SFXN4: variants seen among roughly 807,000 people sequenced by gnomAD.
SFXN4 encodes sideroflexin-4.
In SFXN4, 48 loss-of-function variants were observed where a neutral mutation model predicts 54.6. The observed-to-expected ratio is 0.88, with a 90% CI of 0.70 to 1.12. The LOEUF (loss-of-function observed/expected upper bound fraction) is 1.12, where lower values mean the gene tolerates loss of function less well. Ranked by LOEUF, SFXN4 falls within the 50% of genes most tolerant of loss-of-function variation. The pLI is 0.00. For synonymous variants in SFXN4, 130 were observed against 145.5 expected, an observed-to-expected ratio of 0.89 and a Z score of 0.77; for missense variants, 383 against 409.2, an observed-to-expected ratio of 0.94 and a Z score of 0.55.
Position 119,162,092 on chromosome 10 carries a change from C to T in SFXN4, c.252+248G>A, listed in dbSNP as rs985649979. On this transcript the variant is annotated intron_variant, in intron 3 of 13. Coordinates refer to ENST00000355697, the MANE Select transcript of SFXN4 (RefSeq NM_213649.2). ...TATCCACTGTGTAGGAGGAAACTTG[C>T]TGTCTGGTTTATGGGACAGAATTCT... 7 of 517,342 alleles carry T rather than the reference C, an allele frequency of 1.4e-5. No homozygotes were observed. The East Asian group carries it at 1.4e-4, about 10-fold the overall frequency. The allele number at this position is 517,342 out of a possible 1,614,324, so 32.0% of individuals were successfully genotyped here.
At chr10:119,155,976 C>G (rs1847264417) in intron 10 of SFXN4, among the ~76,000 whole-genome samples, 1 of 152,186 alleles carries the variant, frequency 6.6e-6, no homozygotes, top group Non-Finnish European at 1.5e-5. Context: ...AATCTCTATA[C>G]TAACCATTTG....
chr10:119,141,209 C>T lies in SFXN4; in HGVS notation c.*33G>A, dbSNP rs1846506920. On this transcript the variant is annotated 3_prime_UTR_variant, in exon 14 of 14. Coordinates refer to ENST00000355697, the MANE Select transcript of SFXN4 (RefSeq NM_213649.2). ...ACCTGGAGAGGGGAAGGTTTTCAAGCAGGAACCACATAAATTCACCTAAAA... is the reference window on the plus strand; with the variant it reads ...ACCTGGAGAGGGGAAGGTTTTCAAGTAGGAACCACATAAATTCACCTAAAA... The T allele has an allele frequency of 1.3e-6, 2 of 1,522,494 alleles. No individual in the cohort carries two copies. Among genetic ancestry groups the T allele is most frequent in the South Asian group, 2.3e-5 (2 of 86,702 alleles). 94.3% of individuals were successfully genotyped at this position (1,522,494 alleles called of 1,614,324 possible). A position where few individuals can be genotyped will look rare whatever the true frequency, so the allele number is the denominator to read the frequency against.
intron 3 of SFXN4, among the ~76,000 whole-genome samples, chr10:119,161,391 C>T (rs1847524527): frequency 6.7e-6 from 1 of 148,856 alleles, no homozygotes; most frequent in Non-Finnish European, 1.5e-5. Flanking sequence ...CAGGGTTAAG[C>T]CATCACACCC....
rs12266664 is a variant in SFXN4 at position 119,147,846 on chromosome 10, C to T, written c.747G>A (p.Thr249=). Residue 249 remains threonine, a synonymous_variant, in exon 12 of 14, where the codon ACG becomes ACA. Transcript: ENST00000355697. ...CAAACAGCACTATTCTGGATGCTAGCGTTTCTCTAACAGCCTAGCAAAAAT... is the reference window on the plus strand; with the variant it reads ...CAAACAGCACTATTCTGGATGCTAGTGTTTCTCTAACAGCCTAGCAAAAAT... The part of the protein sequence containing the change: ...RIAGTKAVRE[T]LASRIVLFGT... The T allele has an allele frequency of 2.7e-3, 4,367 of 1,613,924 alleles. 60 individuals carry two copies. The highest frequency in any genetic ancestry group is 0.023 in the South Asian group (2,051 of 91,076).
At chr10:119,142,087 G>A (rs1435975892) in intron 13 of SFXN4, among the ~76,000 whole-genome samples, 3 of 152,068 alleles carry the variant, frequency 2.0e-5, no homozygotes, top group African/African-American at 7.2e-5. Flanking sequence ...TGTAGTCCCA[G>A]CTACTTGGGG....
In SFXN4 at chr10:119,141,084, C is replaced by G. The variant is rs999923174; in HGVS notation, c.*158G>C. On this transcript the variant is annotated 3_prime_UTR_variant, in exon 14 of 14. Coordinates refer to ENST00000355697, the MANE Select transcript of SFXN4 (RefSeq NM_213649.2). ...GCCAGCCTTAAAAACCCCAGAGACG[C>G]CAGCCTGGGAACGATCTCAGTATGG... The G allele has an allele frequency of 5.4e-6, 3 of 557,164 alleles. No individual in the cohort carries two copies. Among genetic ancestry groups the G allele is most frequent in the Non-Finnish European group, 9.7e-6 (3 of 308,092 alleles). 34.5% of individuals were successfully genotyped at this position (557,164 alleles called of 1,614,324 possible).
chr10:119,151,219 ATTAG>A (rs1407193442), intron 11 of SFXN4, among the ~76,000 whole-genome samples: 3 of 152,032 alleles, frequency 2.0e-5, no homozygotes, highest in Non-Finnish European at 4.4e-5. Context: ...AATACAAAAA[ATTAG>A]TTGGGCGCAG....
At chr10:119,146,487 G>A in intron 12 of SFXN4, 134 bp from the exon 13 acceptor site, 1 of 511,150 alleles carries the variant, frequency 2.0e-6, no homozygotes, top group Non-Finnish European at 3.5e-6. Context: ...CTGAACACCT[G>A]GATCAGGGCC....
At chr10:119,161,208 T>A in intron 3 of SFXN4, 127 bp from the exon 4 acceptor site, 1 of 862,348 alleles carries the variant, frequency 1.2e-6, no homozygotes, top group Non-Finnish European at 1.8e-6. Flanking sequence ...AGCCTCGAAC[T>A]ACTGGGTTCA....
At chr10:119,161,756 GC>G (rs1476941003) in intron 3 of SFXN4, among the ~76,000 whole-genome samples, 3 of 152,300 alleles carry the variant, frequency 2.0e-5, no homozygotes, top group African/African-American at 7.2e-5. Context: ...AGCAGAGCAG[GC>G]TGTGTGCTGA....
rs546704149 is a variant in SFXN4, at chr10:119,158,001, A to C, written c.414+8T>G. ...ATTTAGTAATCGTGAAACAGGAAGA[A>C]TGGCTACCTGAGGTAAAATCACGGA... On this transcript the variant is annotated splice_region_variant and intron_variant, in intron 7 of 13. Transcript: ENST00000355697. 6.2e-7 allele frequency: 1 copy of C among 1,614,124 alleles called. No homozygotes were observed. The highest frequency in any genetic ancestry group is 8.5e-7 in the Non-Finnish European group (1 of 1,179,924).
At chr10:119,146,936 T>G (rs1305826598) in intron 12 of SFXN4, among the ~76,000 whole-genome samples, 1 of 151,998 alleles carries the variant, frequency 6.6e-6, no homozygotes, top group Non-Finnish European at 1.5e-5. Flanking sequence ...GCCACACTGG[T>G]GGGGGGGATG....
At chr10:119,141,494 G>T (rs1425379301) in intron 13 of SFXN4, among the ~76,000 whole-genome samples, 175 bp from the exon 14 acceptor site, 2 of 143,060 alleles carry the variant, frequency 1.4e-5, no homozygotes, top group Non-Finnish European at 3.0e-5. Flanking sequence ...AAGCAGTAAA[G>T]AAACTTCTTA....
intron 13 of SFXN4, among the ~76,000 whole-genome samples, chr10:119,142,925 G>GTA (rs1846609139): frequency 6.6e-6 from 1 of 150,760 alleles, no homozygotes; most frequent in African/African-American, 2.4e-5. Flanking sequence ...GTAGAGACGG[G>GTA]GTTTCACTGT....
chr10:119,142,715 T>C (rs7090233), intron 13 of SFXN4, among the ~76,000 whole-genome samples: 27,966 of 141,060 alleles, frequency 0.2, 3,157 homozygotes, highest in Middle Eastern at 0.3. Context: ...CACGTCCAGC[T>C]AATGTTTTGA....
At chr10:119,146,960 T>C (rs1211387195) in intron 12 of SFXN4, among the ~76,000 whole-genome samples, 3 of 152,152 alleles carry the variant, frequency 2.0e-5, no homozygotes, top group Non-Finnish European at 4.4e-5. Flanking sequence ...ACCCCAGGCA[T>C]GCGACCTAAC....
chr10:119,150,924 C>T (rs143169438), intron 11 of SFXN4, among the ~76,000 whole-genome samples: 36 of 152,194 alleles, frequency 2.4e-4, no homozygotes, highest in African/African-American at 7.9e-4. Context: ...CATCCAGGAA[C>T]GGAATACTAC....
At chr10:119,150,135 A>AG (rs1457649353) in intron 11 of SFXN4, among the ~76,000 whole-genome samples, 4 of 145,048 alleles carry the variant, frequency 2.8e-5, no homozygotes, top group African/African-American at 9.8e-5. Flanking sequence ...TATTCTTCAG[A>AG]GAAAAAAAAG....
chr10:119,157,588 A>G (rs1016495123), intron 9 of SFXN4, 80 bp downstream of exon 9: 13 of 1,167,578 alleles, frequency 1.1e-5, no homozygotes, highest in East Asian at 7.1e-5. Context: ...AAATTGGAAC[A>G]TAAATTTGTA....
Sources: gnomAD v4.1 joint callset for allele counts (sites outside exome capture counted in the v4.1 genomes callset) on GRCh38, gnomAD v4.1.1 for gene constraint, MANE v1.5 for transcripts, NCBI Gene and HGNC (gene_info 2026-07-23, HGNC 2026-07-21) for gene names.